The following ZNF407 variants were observed in gnomAD, a reference collection of about 807,000 sequenced individuals.
ZNF407 encodes the protein zinc finger protein 407.
ZNF407 carries 17 observed loss-of-function variants against 131.2 expected under a neutral mutation model. The observed-to-expected ratio is 0.13, with a 90% CI of 0.09 to 0.19. The LOEUF (loss-of-function observed/expected upper bound fraction) is 0.19. Ranked by LOEUF, ZNF407 falls within the 10% of genes least tolerant of loss-of-function variation. ZNF407 has a pLI of 1.00. For synonymous variants in ZNF407, 1,156 were observed against 1,062.0 expected, an observed-to-expected ratio of 1.09 and a Z score of -1.72; for missense variants, 2,681 against 2,830.6, an observed-to-expected ratio of 0.95 and a Z score of 1.20.
At position 75,064,416 on chromosome 18, in the gene ZNF407, C is replaced by T. The variant is rs1461241779; in HGVS notation, c.6695C>T (p.Ala2232Val). The change falls in exon 9 of 9, where the codon GCC becomes GTC. Residue 2232 changes from alanine to valine, a missense_variant. Physicochemically the swap from Ala to Val is moderately conservative, Grantham distance 64. Coordinates refer to ENST00000299687, the MANE Select transcript of ZNF407 (RefSeq NM_017757.3). ...VVIYTQEGSSAAAAIQSQRES... is the reference protein window; with the variant it reads ...VVIYTQEGSSVAAAIQSQRES... ...ATCTACACCCAGGAGGGCTCCTCGGCCGCGGCGGCAATTCAGAGCCAAAGA... is the reference window on the plus strand; with the variant it reads ...ATCTACACCCAGGAGGGCTCCTCGGTCGCGGCGGCAATTCAGAGCCAAAGA... The T allele has an allele frequency of 3.9e-6, 6 of 1,526,286 alleles. No homozygotes were observed. The highest frequency in any genetic ancestry group is 5.3e-6 in the Non-Finnish European group (6 of 1,138,156). 94.5% of individuals were successfully genotyped at this position (1,526,286 alleles called of 1,614,324 possible).
chr18:74,924,323 T>C (rs1302200055), intron 8 of ZNF407, among the ~76,000 whole-genome samples: 5 of 151,470 alleles, frequency 3.3e-5, no homozygotes, highest in African/African-American at 7.3e-5. Flanking sequence ...TTTCTGTATA[T>C]ACTTAAAAAA....
chr18:74,700,248 G>A (rs1967459609), intron 3 of ZNF407, among the ~76,000 whole-genome samples: 1 of 152,176 alleles, frequency 6.6e-6, no homozygotes, highest in Admixed American at 6.5e-5. Flanking sequence ...AAATACATTA[G>A]TATACCTACA....
chr18:75,057,428 A>G (rs933541034), intron 8 of ZNF407, among the ~76,000 whole-genome samples: 1 of 152,160 alleles, frequency 6.6e-6, no homozygotes, highest in African/African-American at 2.4e-5. Context: ...TGACCTTTCT[A>G]TTGTCATCAG....
intron 3 of ZNF407, among the ~76,000 whole-genome samples, chr18:74,714,526 C>T (rs1358307361): frequency 6.6e-6 from 1 of 152,088 alleles, no homozygotes; most frequent in African/African-American, 2.4e-5. Context: ...GTGAACAATG[C>T]TGTTTTGATT....
Position 75,032,584 on chromosome 18 carries a change from C to T in ZNF407, c.5429-30566C>T, listed in dbSNP as rs528276732. 3.2e-4 allele frequency among the ~76,000 whole-genome samples: 49 copies of T among 152,320 alleles called. 1 individual carries two copies. The South Asian group carries it at 0.01, about 32-fold the overall frequency. ...GACTGGCTGCACGATCAGAGTTTTC[C>T]CCCTGCCCACTAACTGGAAAGCTTC... is the stretch of plus-strand genomic sequence containing the variant. On this transcript the variant is annotated intron_variant, in intron 8 of 8. Transcript: ENST00000299687.
At chr18:74,775,727 A>G (rs963227360) in intron 3 of ZNF407, among the ~76,000 whole-genome samples, 2 of 152,168 alleles carry the variant, frequency 1.3e-5, no homozygotes, top group African/African-American at 2.4e-5. Flanking sequence ...AGGAGGTTTA[A>G]TTGGCTCATG....
intron 4 of ZNF407, among the ~76,000 whole-genome samples, chr18:74,844,657 T>G: frequency 6.6e-6 from 1 of 152,272 alleles, no homozygotes; most frequent in Middle Eastern, 3.4e-3. Flanking sequence ...TCAAAATTTT[T>G]AAATTATTTA....
chr18:74,800,628 A>G (rs1970003745), intron 4 of ZNF407, among the ~76,000 whole-genome samples: 1 of 152,162 alleles, frequency 6.6e-6, no homozygotes, highest in Non-Finnish European at 1.5e-5. Context: ...ATACGAAGAT[A>G]ATTGTTTTTC....
chr18:74,668,319 CCGATATATCTTA>C (rs1407731699), intron 3 of ZNF407, among the ~76,000 whole-genome samples: 1 of 151,984 alleles, frequency 6.6e-6, no homozygotes, highest in Non-Finnish European at 1.5e-5. Flanking sequence ...TTCCAAGATA[CCGATATATCTTA>C]TTATGTAAGT....
At chr18:74,937,792 T>G (rs2145264083) in intron 8 of ZNF407, among the ~76,000 whole-genome samples, 1 of 152,340 alleles carries the variant, frequency 6.6e-6, no homozygotes, top group East Asian at 1.9e-4. Context: ...GGGGATCAAT[T>G]AGATCAAAGA....
intron 3 of ZNF407, among the ~76,000 whole-genome samples, chr18:74,680,228 A>G (rs1966949889): frequency 6.6e-6 from 1 of 151,970 alleles, no homozygotes; most frequent in African/African-American, 2.4e-5. Context: ...TCGTGTCTAC[A>G]AAAAAGAAAA....
At chr18:74,834,112 CT>C (rs1450313284) in intron 4 of ZNF407, among the ~76,000 whole-genome samples, 15 of 152,180 alleles carry the variant, frequency 9.9e-5, no homozygotes, top group African/African-American at 3.6e-4. Context: ...ATACTTTTCT[CT>C]CATTTGTTCA....
chr18:74,667,796 C>T (rs901360627), intron 3 of ZNF407, among the ~76,000 whole-genome samples: 3 of 152,176 alleles, frequency 2.0e-5, no homozygotes, highest in African/African-American at 2.4e-5. Context: ...CAAAGGGTAG[C>T]GAGAAAGGAT....
Position 75,064,488 on chromosome 18 carries a change from C to G in ZNF407, c.*20C>G. Reference sequence around the variant, plus strand: ...GCATGAGACGCGCGGCACCTTTACTCAGCACAGGGCAGGTGTGGGAAGGTC... The same window carrying G: ...GCATGAGACGCGCGGCACCTTTACTGAGCACAGGGCAGGTGTGGGAAGGTC... On this transcript the variant is annotated 3_prime_UTR_variant, in exon 9 of 9. Coordinates refer to ENST00000299687, the MANE Select transcript of ZNF407 (RefSeq NM_017757.3). The G allele has an allele frequency of 1.4e-6, 2 of 1,456,032 alleles. No homozygotes were observed. The highest frequency in any genetic ancestry group is 1.8e-6 in the Non-Finnish European group (2 of 1,099,284). 90.2% of individuals were successfully genotyped at this position (1,456,032 alleles called of 1,614,324 possible). A position where few individuals can be genotyped will look rare whatever the true frequency, so the allele number is the denominator to read the frequency against.
At chr18:74,804,878 G>T (rs1970085206) in intron 4 of ZNF407, among the ~76,000 whole-genome samples, 1 of 152,166 alleles carries the variant, frequency 6.6e-6, no homozygotes, top group African/African-American at 2.4e-5. Context: ...ACCCTGCCGA[G>T]GATCTGGCTG....
At chr18:74,988,529 A>C (rs1255615934) in intron 8 of ZNF407, among the ~76,000 whole-genome samples, 2 of 151,392 alleles carry the variant, frequency 1.3e-5, no homozygotes, top group East Asian at 3.9e-4. Context: ...TATCTGGCCT[A>C]GTTCTTGATT....
chr18:74,883,965 A>G (rs1039875896), intron 6 of ZNF407, among the ~76,000 whole-genome samples: 6 of 152,226 alleles, frequency 3.9e-5, no homozygotes, highest in African/African-American at 1.2e-4. Flanking sequence ...ATGTACAGGT[A>G]GCCCTGTTGA....
intron 4 of ZNF407, among the ~76,000 whole-genome samples, chr18:74,855,017 A>G (rs955335964): frequency 7.9e-5 from 12 of 152,196 alleles, no homozygotes; most frequent in Non-Finnish European, 1.6e-4. Context: ...TCTTTAGAAC[A>G]CACCATTATG....
At chr18:74,928,776 G>C (rs566282519) in intron 8 of ZNF407, among the ~76,000 whole-genome samples, 29 of 152,148 alleles carry the variant, frequency 1.9e-4, no homozygotes, top group African/African-American at 6.7e-4. Flanking sequence ...CTGTCCCTCC[G>C]GCCTTCCCTT....
Sources: gnomAD v4.1 joint callset for allele counts (sites outside exome capture counted in the v4.1 genomes callset) on GRCh38, gnomAD v4.1.1 for gene constraint, MANE v1.5 for transcripts, NCBI Gene and HGNC (gene_info 2026-07-23, HGNC 2026-07-21) for gene names.